The following ASPRV1 variants were observed in gnomAD, a reference collection of about 807,000 sequenced individuals.
ASPRV1 encodes the protein aspartic peptidase retroviral like 1.
In ASPRV1, 7 loss-of-function variants were observed where a neutral mutation model predicts 11.0. That is an observed-to-expected ratio of 0.64 (90% confidence interval 0.36 to 1.20). The LOEUF (loss-of-function observed/expected upper bound fraction) is 1.20. ASPRV1 is among the 50% of genes most tolerant of loss of function. The probability of loss-of-function intolerance (pLI) is 0.02; values close to 1 mark genes in which losing one functional copy is unlikely to be tolerated. For missense variants in ASPRV1, 299 were observed against 320.0 expected, an observed-to-expected ratio of 0.93 and a Z score of 0.50; for synonymous variants, 136 against 138.4, an observed-to-expected ratio of 0.98 and a Z score of 0.12.
At chr2:69,978,610 C>T in the ASPRV1 span, among the ~76,000 whole-genome samples, 2 of 152,190 alleles carry the variant, frequency 1.3e-5, no homozygotes, top group Admixed American at 1.3e-4. Flanking sequence ...ATTACACCAA[C>T]GACAAGCCAC....
the ASPRV1 span, among the ~76,000 whole-genome samples, chr2:69,971,842 A>T: frequency 6.6e-6 from 1 of 152,166 alleles, no homozygotes; most frequent in African/African-American, 2.4e-5. Context: ...CCTTGTCAAG[A>T]GGGCCAGGCT....
the ASPRV1 span, among the ~76,000 whole-genome samples, chr2:70,071,904 G>T: frequency 1.3e-5 from 2 of 151,914 alleles, no homozygotes; most frequent in African/African-American, 4.8e-5. Flanking sequence ...AGGAGTCCAA[G>T]ACCAACCCAG....
chr2:69,980,819 A>C, the ASPRV1 span, among the ~76,000 whole-genome samples: 8 of 152,240 alleles, frequency 5.3e-5, no homozygotes, highest in East Asian at 1.5e-3. Flanking sequence ...CTTGTTGCCC[A>C]GGATGGAGCG....
chr2:70,073,569 G>A, the ASPRV1 span, among the ~76,000 whole-genome samples: 31 of 152,224 alleles, frequency 2.0e-4, 1 homozygote, highest in South Asian at 8.3e-4. Flanking sequence ...AACAGTGTCT[G>A]ACACATGAAT....
At chr2:69,973,980 A>G in the ASPRV1 span, among the ~76,000 whole-genome samples, 3,507 of 152,328 alleles carry the variant, frequency 0.023, 139 homozygotes, top group African/African-American at 0.08. Context: ...GTAACACAAC[A>G]TTATATAGTA....
At chr2:70,030,347 T>C in the ASPRV1 span, 1 of 152,070 alleles carries the variant, frequency 6.6e-6, no homozygotes, top group Non-Finnish European at 1.5e-5. Flanking sequence ...GCTGAAGGAG[T>C]GAGCTTCAGG....
chr2:70,046,524 C>T, the ASPRV1 span: 1 of 152,142 alleles, frequency 6.6e-6, no homozygotes, highest in African/African-American at 2.4e-5. Context: ...GCTATGCTGA[C>T]TATAAATCAC....
At chr2:70,065,840 A>G in the ASPRV1 span, among the ~76,000 whole-genome samples, 3 of 142,842 alleles carry the variant, frequency 2.1e-5, no homozygotes, top group African/African-American at 5.4e-5. Context: ...AAAAAAAAAA[A>G]AAAAGAAAGA....
chr2:69,988,552 T>C, the ASPRV1 span: 1 of 333,344 alleles, frequency 3.0e-6, no homozygotes, highest in Non-Finnish European at 6.0e-6. Context: ...TAGTGTTTAG[T>C]GGGTAGAGAG....
the ASPRV1 span, chr2:70,050,553 T>C: frequency 6.6e-6 from 1 of 152,128 alleles, no homozygotes; most frequent in African/African-American, 2.4e-5. Context: ...GAAAAAAAGC[T>C]ACATAGACAA....
chr2:69,985,316 C>T, the ASPRV1 span, among the ~76,000 whole-genome samples: 2 of 152,142 alleles, frequency 1.3e-5, no homozygotes, highest in Non-Finnish European at 2.9e-5. Flanking sequence ...CCACACTCCT[C>T]ATTTCCTGGC....
At chr2:69,953,874 A>ATTT in the ASPRV1 span, among the ~76,000 whole-genome samples, 17 of 141,704 alleles carry the variant, frequency 1.2e-4, no homozygotes, top group East Asian at 6.2e-4. Context: ...TGCCCGGCTA[A>ATTT]TTTTTTTTTT....
At chr2:70,000,458 C>T in the ASPRV1 span, 1 of 148,804 alleles carries the variant, frequency 6.7e-6, no homozygotes, top group Non-Finnish European at 1.5e-5. Context: ...ATAAACTACA[C>T]AAATGAAGTG....
the ASPRV1 span, among the ~76,000 whole-genome samples, chr2:70,008,954 T>C: frequency 6.6e-6 from 1 of 152,162 alleles, no homozygotes; most frequent in African/African-American, 2.4e-5. Context: ...TTGCCCTAAA[T>C]GCTTAAGCTT....
Position 69,961,220 on chromosome 2 carries a change from C to A in ASPRV1, c.217G>T (p.Asp73Tyr), listed in dbSNP as rs752301953. 6.2e-7 allele frequency: 1 copy of A among 1,613,988 alleles called. No homozygotes were observed. The change falls in exon 1 of 1, where the codon GAC (aspartate) becomes TAC (tyrosine). Residue 73 changes from aspartate to tyrosine, a missense_variant. Coordinates refer to ENST00000320256, the MANE Select transcript of ASPRV1 (RefSeq NM_152792.4). ...LGVYNRLSPQ[D>Y]QGDYGTVKEA... ...TTCACAGTCCCATAGTCTCCCTGGT[C>A]CTGGGGACTGAGCCTATTGTAGACA...
At chr2:70,065,912 A>G in the ASPRV1 span, among the ~76,000 whole-genome samples, 12 of 151,644 alleles carry the variant, frequency 7.9e-5, no homozygotes, top group African/African-American at 2.7e-4. Flanking sequence ...TGAAGTCATT[A>G]AAAGCTCAAT....
chr2:70,007,081 T>G, the ASPRV1 span, among the ~76,000 whole-genome samples: 1 of 152,256 alleles, frequency 6.6e-6, no homozygotes, highest in Non-Finnish European at 1.5e-5. Context: ...TTATGTAACT[T>G]ACCATATTCC....
the ASPRV1 span, among the ~76,000 whole-genome samples, chr2:69,981,819 A>G: frequency 2.6e-5 from 4 of 152,182 alleles, no homozygotes; most frequent in Non-Finnish European, 5.9e-5. Flanking sequence ...TTGGCCTCCC[A>G]AAGTGCTGGG....
At chr2:69,985,145 G>C in the ASPRV1 span, among the ~76,000 whole-genome samples, 1 of 152,142 alleles carries the variant, frequency 6.6e-6, no homozygotes, top group East Asian at 1.9e-4. Flanking sequence ...CGTGAGCCAC[G>C]GCGCCCGGCC....
Sources: gnomAD v4.1 joint callset for allele counts (sites outside exome capture counted in the v4.1 genomes callset) on GRCh38, gnomAD v4.1.1 for gene constraint, MANE v1.5 for transcripts, NCBI Gene and HGNC (gene_info 2026-07-23, HGNC 2026-07-21) for gene names.